The following MEIS2 variants were observed in gnomAD, a reference collection of about 807,000 sequenced individuals.
The protein encoded by MEIS2 is homeobox protein Meis2.
MEIS2 carries 9 observed loss-of-function variants against 58.6 expected under a neutral mutation model. That is an observed-to-expected ratio of 0.15 (90% CI 0.09 to 0.27). The LOEUF is 0.27. Ranked by LOEUF, MEIS2 falls within the 10% of genes least tolerant of loss-of-function variation. The probability of loss-of-function intolerance (pLI) is 1.00; values close to 1 mark genes in which losing one functional copy is unlikely to be tolerated. For synonymous variants in MEIS2, 221 were observed against 228.4 expected (o/e 0.97, Z 0.29); for missense variants, 427 against 635.0 (o/e 0.67, Z 3.52).
chr15:37,007,157 C>T (rs1019101403), intron 8 of MEIS2, among the ~76,000 whole-genome samples: 2 of 152,152 alleles, frequency 1.3e-5, no homozygotes, highest in African/African-American at 4.8e-5. Flanking sequence ...GAGGGCAATC[C>T]GATTTCCTTG....
At chr15:37,060,996 G>T (rs970471940) in intron 7 of MEIS2, among the ~76,000 whole-genome samples, 1 of 152,120 alleles carries the variant, frequency 6.6e-6, no homozygotes, top group African/African-American at 2.4e-5. Context: ...AAAAAGTTAA[G>T]AACTCTCTAC....
intron 9 of MEIS2, among the ~76,000 whole-genome samples, chr15:36,909,847 TGTGGGG>T (rs375932730): frequency 5.0e-5 from 1 of 20,058 alleles, no homozygotes; most frequent in African/African-American, 2.1e-4. Context: ...TGAGTGTGTG[TGTGGGG>T]GTGGGGGTGG....
chr15:37,038,894 A>T (rs2062286884), intron 7 of MEIS2, among the ~76,000 whole-genome samples: 1 of 152,170 alleles, frequency 6.6e-6, no homozygotes, highest in Non-Finnish European at 1.5e-5. Flanking sequence ...CATGCCAAGG[A>T]ACTGCTGCAA....
chr15:36,971,536 T>TAAAAAAAAAAAAAAAAA (rs1567126001), intron 8 of MEIS2, among the ~76,000 whole-genome samples: 2,588 of 65,342 alleles, frequency 0.04, 678 homozygotes, highest in Non-Finnish European at 0.052. Context: ...CCTTGTTACA[T>TAAAAAAAAAAAAAAAAA]TAAAAAAAAA....
At chr15:36,948,156 G>T (rs1017337099) in intron 9 of MEIS2, among the ~76,000 whole-genome samples, 2 of 151,952 alleles carry the variant, frequency 1.3e-5, no homozygotes, top group African/African-American at 4.8e-5. Flanking sequence ...GAATTATTTT[G>T]TAGAGACAGA....
At chr15:36,995,999 A>ATG (rs1429615951) in intron 8 of MEIS2, among the ~76,000 whole-genome samples, 1 of 102,624 alleles carries the variant, frequency 9.7e-6, no homozygotes, top group Admixed American at 1.2e-4. Flanking sequence ...ATATATATAT[A>ATG]TATGTATATA....
At chr15:37,042,153 A>T (rs1478326153) in intron 7 of MEIS2, among the ~76,000 whole-genome samples, 2 of 152,212 alleles carry the variant, frequency 1.3e-5, no homozygotes, top group Admixed American at 1.3e-4. Flanking sequence ...CCTATCTCAA[A>T]AAGAAAGGAA....
intron 8 of MEIS2, among the ~76,000 whole-genome samples, chr15:37,013,438 G>T (rs769278611): frequency 2.6e-5 from 4 of 151,864 alleles, no homozygotes; most frequent in African/African-American, 9.7e-5. Context: ...TGGGCATGGT[G>T]GTGGGCGCCT....
intron 8 of MEIS2, among the ~76,000 whole-genome samples, chr15:37,031,697 C>G (rs2061930593): frequency 1.3e-5 from 2 of 152,052 alleles, no homozygotes; most frequent in South Asian, 4.1e-4. Flanking sequence ...GTGGGCTTCA[C>G]CCCTCTCCCC....
At chr15:36,966,461 G>A (rs2059361156) in intron 8 of MEIS2, among the ~76,000 whole-genome samples, 1 of 152,136 alleles carries the variant, frequency 6.6e-6, no homozygotes, top group Non-Finnish European at 1.5e-5. Flanking sequence ...TTTGGAATCA[G>A]ACGGTCCTGG....
chr15:37,070,559 C>T (rs1021624972), intron 7 of MEIS2, among the ~76,000 whole-genome samples: 1 of 152,170 alleles, frequency 6.6e-6, no homozygotes, highest in Non-Finnish European at 1.5e-5. Context: ...AGAGGATACC[C>T]TGCTCTACTG....
intron 2 of MEIS2, 82 bp downstream of exon 2, chr15:37,097,885 C>G: frequency 6.8e-7 from 1 of 1,477,242 alleles, no homozygotes; most frequent in Non-Finnish European, 9.0e-7. Context: ...CCCACTTAGT[C>G]GTCCACCTTC....
chr15:36,943,032 A>T lies in MEIS2; in HGVS notation c.977+7292T>A, dbSNP rs183061708. ...AGGGTAATTTGAAAATTCCTTTTTT[A>T]AAAAAATGTTTTTTTAAAATACAAT... On this transcript the variant is annotated intron_variant, in intron 9 of 11. Coordinates refer to ENST00000561208, the MANE Select transcript of MEIS2 (RefSeq NM_170675.5). Among the ~76,000 whole-genome samples the T allele has an allele frequency of 5.2e-3, 792 of 152,202 alleles. 1 individual carries two copies. The highest frequency in any genetic ancestry group is 0.014 in the African/African-American group (579 of 41,540).
intron 8 of MEIS2, among the ~76,000 whole-genome samples, chr15:37,028,346 G>T (rs2061782125): frequency 1.3e-5 from 2 of 152,172 alleles, no homozygotes; most frequent in African/African-American, 4.8e-5. Context: ...AAAGGCTGCT[G>T]AATCCCAAAC....
intron 8 of MEIS2, among the ~76,000 whole-genome samples, chr15:37,012,615 A>C (rs1567180231): frequency 6.6e-6 from 1 of 152,208 alleles, no homozygotes; most frequent in Non-Finnish European, 1.5e-5. Context: ...ATGTGTGTGC[A>C]TCTATATACG....
chr15:36,969,661 A>C (rs544476714), intron 8 of MEIS2, among the ~76,000 whole-genome samples: 3 of 152,234 alleles, frequency 2.0e-5, no homozygotes, highest in Non-Finnish European at 4.4e-5. Context: ...ATACTAATGA[A>C]AAGTAAAAGG....
chr15:36,988,910 C>T (rs528037280), intron 8 of MEIS2, among the ~76,000 whole-genome samples: 33 of 151,888 alleles, frequency 2.2e-4, no homozygotes, highest in African/African-American at 6.5e-4. Context: ...GAACAAGACA[C>T]GAAAGTAACA....
chr15:37,076,828 T>C (rs1891484181), intron 7 of MEIS2, among the ~76,000 whole-genome samples: 1 of 152,096 alleles, frequency 6.6e-6, no homozygotes, highest in Non-Finnish European at 1.5e-5. Context: ...CAGTTCAGGC[T>C]TATGCAAATG....
In MEIS2 at chr15:37,098,379, GGAGAGAGAGAGAGAGAGAGAGA is replaced by G. The variant is rs534692479; in HGVS notation, c.13-202_13-181del. 5.8e-5 allele frequency: 18 copies of G among 307,886 alleles called. No homozygotes were observed. In the East Asian group the frequency reaches 8.8e-4, roughly 15 times the overall value. 19.1% of individuals were successfully genotyped at this position (307,886 alleles called of 1,614,324 possible). On this transcript the variant is annotated intron_variant, in intron 1 of 11. Coordinates refer to ENST00000561208, the MANE Select transcript of MEIS2 (RefSeq NM_170675.5). ...GAGGAGGAGGAAAAGGAGGAGAGGG[GGAGAGAGAGAGAGAGAGAGAGA>G]GAGAGAGAGAGAGAGAGAGAGAGAA...
Sources: allele counts gnomAD v4.1 joint callset (sites outside exome capture counted in the v4.1 genomes callset), GRCh38; gene constraint gnomAD v4.1.1; transcripts MANE v1.5; gene names NCBI Gene and HGNC (gene_info 2026-07-23, HGNC 2026-07-21).